OCA2: variants seen among roughly 807,000 people sequenced by gnomAD.
The protein encoded by OCA2 is OCA2 melanosomal transmembrane protein.
OCA2 carries 77 observed loss-of-function variants against 100.2 expected under a neutral mutation model. The ratio of observed to expected loss-of-function variants is 0.77; its 90% CI spans 0.64 to 0.93. OCA2 has a LOEUF of 0.93. Ranked by LOEUF, OCA2 falls within the 40% of genes least tolerant of loss-of-function variation. The probability of loss-of-function intolerance (pLI) is 0.00; values close to 1 mark genes in which losing one functional copy is unlikely to be tolerated. For synonymous variants in OCA2, 432 were observed against 439.2 expected (o/e 0.98, Z 0.21); for missense variants, 1,062 against 1,089.1 (o/e 0.98, Z 0.35).
intron 18 of OCA2, among the ~76,000 whole-genome samples, chr15:27,938,111 T>C (rs987302010): frequency 1.4e-4 from 22 of 152,144 alleles, no homozygotes; most frequent in Admixed American, 1.2e-3. Flanking sequence ...AGGAGTTGAG[T>C]CACATGGAGA....
In OCA2 at chr15:28,014,813, G is replaced by A. The variant is rs34010619; in HGVS notation, c.1007C>T (p.Ala336Val). 2,032 of 1,613,984 alleles carry A rather than the reference G, an allele frequency of 1.3e-3. 26 individuals are homozygous for A. In the African/African-American group the frequency reaches 0.024, roughly 19 times the overall value. The stretch of plus-strand genomic sequence containing the variant: ...CAGCGCGTAGACGCCCGCGAGGATG[G>A]CCGTCGCGATGGTCACCTGGGTTTC... ...SVETQVTIAT[A>V]ILAGVYALII... is the part of the protein sequence containing the mutation. The change falls in exon 9 of 24, where the codon GCC (alanine) becomes GTC (valine). Residue 336 changes from alanine (A) to valine (V), a missense_variant. Transcript: ENST00000354638.
At chr15:28,036,003 A>T (rs2043035588) in intron 2 of OCA2, among the ~76,000 whole-genome samples, 2 of 152,228 alleles carry the variant, frequency 1.3e-5, no homozygotes, top group Admixed American at 1.3e-4. Context: ...GCAGAGACAC[A>T]CATTCACACA....
chr15:27,723,229 C>A, the OCA2 span, among the ~76,000 whole-genome samples: 1 of 152,244 alleles, frequency 6.6e-6, no homozygotes, highest in Non-Finnish European at 1.5e-5. Context: ...CTCTGCCCCC[C>A]CACTTCAAAG....
At chr15:28,078,478 C>T (rs771175876) in intron 2 of OCA2, among the ~76,000 whole-genome samples, 1 of 152,196 alleles carries the variant, frequency 6.6e-6, no homozygotes, top group African/African-American at 2.4e-5. Context: ...AAAAGACTAT[C>T]CCTTGTGCCT....
At chr15:27,753,609 T>A (rs935526401), downstream of OCA2, among the ~76,000 whole-genome samples, 14 of 151,558 alleles carry the variant, frequency 9.2e-5, no homozygotes, top group Non-Finnish European at 1.8e-4. Context: ...TGGTGGCGGG[T>A]GCATGTAGTC....
rs933545305 is a variant in OCA2, at chr15:27,942,540, G to A, written c.1951+9244C>T. 3.9e-5 allele frequency among the ~76,000 whole-genome samples: 6 copies of A among 152,158 alleles called. 1 individual carries two copies. The highest frequency in any genetic ancestry group is 3.9e-4 in the Admixed American group (6 of 15,276). ...GCAGTGTGTGAGTGACTACTAATGG[G>A]TATAGGATTATTTGGGGAATGAGGA... On this transcript the variant is annotated intron_variant, in intron 18 of 23. Coordinates refer to ENST00000354638, the MANE Select transcript of OCA2 (RefSeq NM_000275.3).
Position 27,955,157 on chromosome 15 carries a change from C to A in OCA2, c.1842+1G>T, listed in dbSNP as rs387906240. On this transcript the variant is annotated splice_donor_variant, in intron 17 of 23. Transcript: ENST00000354638. LOFTEE classifies it high-confidence loss of function. ...ATCCCTGAGGAAAGAAAGCTGGGTACCTTTTTTTGGAGTTCTTGGATATTG... is the reference window on the plus strand; with the variant it reads ...ATCCCTGAGGAAAGAAAGCTGGGTAACTTTTTTTGGAGTTCTTGGATATTG... The A allele has an allele frequency of 3.7e-6, 6 of 1,607,476 alleles. No homozygotes were observed. The highest frequency in any genetic ancestry group is 5.1e-6 in the Non-Finnish European group (6 of 1,173,972).
Position 28,028,063 on chromosome 15 carries a change from G to C in OCA2, c.327-4C>G, listed in dbSNP as rs1268886034. 1 of 1,614,200 alleles carries C rather than the reference G, an allele frequency of 6.2e-7. No homozygotes were observed. The highest frequency in any genetic ancestry group is 8.5e-7 in the Non-Finnish European group (1 of 1,180,012). On this transcript the variant is annotated splice_polypyrimidine_tract_variant and splice_region_variant and intron_variant, in intron 3 of 23. Coordinates refer to ENST00000354638, the MANE Select transcript of OCA2 (RefSeq NM_000275.3). ...GTAAACAGGTATGCACCGTGACCTG[G>C]AAAGCAAGAGAGGTGTGGTTATCTC...
At chr15:27,913,838 GGAAA>G (rs367919609) in intron 19 of OCA2, among the ~76,000 whole-genome samples, 1,795 of 36,910 alleles carry the variant, frequency 0.049, 57 homozygotes, top group South Asian at 0.078. Context: ...AAGAAAGAAA[GGAAA>G]GAAAGAAAGA....
intron 19 of OCA2, among the ~76,000 whole-genome samples, chr15:27,902,201 A>G (rs1359773141): frequency 7.8e-6 from 1 of 127,674 alleles, no homozygotes; most frequent in Non-Finnish European, 1.6e-5. Flanking sequence ...TCATGAAAAA[A>G]AAGTTGTTGT....
At chr15:27,730,043 C>T in the OCA2 span, among the ~76,000 whole-genome samples, 89 of 152,288 alleles carry the variant, frequency 5.8e-4, no homozygotes, top group African/African-American at 1.9e-3. Flanking sequence ...TTAATGCAGA[C>T]CTCACAGGTT....
At chr15:27,941,297 C>T (rs1323966713) in intron 18 of OCA2, among the ~76,000 whole-genome samples, 2 of 152,202 alleles carry the variant, frequency 1.3e-5, no homozygotes, top group Non-Finnish European at 2.9e-5. Context: ...TACTCTCCCA[C>T]CCATAACTCA....
chr15:27,922,683 GTGTGTGT>G lies in OCA2; in HGVS notation c.2079+3437_2079+3443del, dbSNP rs2038903483. ...GCTTTTGTGGTTTTTTGTTTGGGGT[GTGTGTGT>G]GTGTGTGTGTGTGTGTGTGTGTGTG... On this transcript the variant is annotated intron_variant, in intron 19 of 23. Transcript: ENST00000354638. 3.3e-4 allele frequency among the ~76,000 whole-genome samples: 12 copies of G among 36,322 alleles called. No individual in the cohort carries two copies. The South Asian group carries it at 5.0e-3, about 15-fold the overall frequency. The allele number at this position is 36,322 out of a possible 152,430, so 23.8% of individuals were successfully genotyped here.
chr15:27,895,769 C>T (rs917816366), intron 19 of OCA2: 10 of 349,542 alleles, frequency 2.9e-5, no homozygotes, highest in African/African-American at 1.1e-4. Flanking sequence ...ATTTAGAAGA[C>T]GGCAAGAGGG....
chr15:27,955,946 C>T (rs1203489904), intron 16 of OCA2, among the ~76,000 whole-genome samples: 1 of 152,124 alleles, frequency 6.6e-6, no homozygotes, highest in Non-Finnish European at 1.5e-5. Context: ...ATGAAGAATG[C>T]AGTTTTAGTA....
At chr15:28,013,907 CAATT>C (rs1327035919) in intron 9 of OCA2, among the ~76,000 whole-genome samples, 4 of 152,272 alleles carry the variant, frequency 2.6e-5, no homozygotes, top group South Asian at 2.1e-4. Flanking sequence ...TAAGAGATAA[CAATT>C]AATCCTGTGA....
chr15:27,951,210 A>C (rs2040015943), intron 18 of OCA2, among the ~76,000 whole-genome samples: 1 of 152,210 alleles, frequency 6.6e-6, no homozygotes, highest in Non-Finnish European at 1.5e-5. Flanking sequence ...GCCACAGCAC[A>C]GGCTAGAGAA....
At chr15:27,893,924 T>C (rs2037574947) in intron 19 of OCA2, among the ~76,000 whole-genome samples, 1 of 152,214 alleles carries the variant, frequency 6.6e-6, no homozygotes, top group Non-Finnish European at 1.5e-5. Context: ...TGTTAGACCC[T>C]TATTAGTGGT....
At chr15:27,900,119 A>G (rs2037867848) in intron 19 of OCA2, among the ~76,000 whole-genome samples, 3 of 152,168 alleles carry the variant, frequency 2.0e-5, no homozygotes, top group Admixed American at 2.0e-4. Flanking sequence ...CAGCATTTGC[A>G]TTGTAATTGA....
Sources: gnomAD v4.1 joint callset for allele counts (sites outside exome capture counted in the v4.1 genomes callset) on GRCh38, gnomAD v4.1.1 for gene constraint, MANE v1.5 for transcripts, NCBI Gene and HGNC (gene_info 2026-07-23, HGNC 2026-07-21) for gene names.